The following GRIA2 variants were observed in gnomAD, a reference collection of about 807,000 sequenced individuals.
GRIA2 encodes glutamate receptor 2.
A neutral mutation model predicts 97.3 loss-of-function variants in GRIA2; 14 were observed. The observed-to-expected ratio is 0.14, with a 90% CI of 0.10 to 0.23. GRIA2 has a LOEUF of 0.23. GRIA2 is among the 10% of genes least tolerant of loss of function. GRIA2 has a pLI of 1.00. For synonymous variants in GRIA2, 412 were observed against 387.8 expected (o/e 1.06, Z -0.73); for missense variants, 558 against 1,069.8 (o/e 0.52, Z 6.67).
intron 12 of GRIA2, among the ~76,000 whole-genome samples, chr4:157,355,991 A>ATT (rs1560781410): frequency 1.2e-5 from 1 of 82,978 alleles, no homozygotes; most frequent in Non-Finnish European, 2.3e-5. Context: ...TTATATATTT[A>ATT]TATATATTTA....
At chr4:157,340,803 TA>T (rs1735514678) in intron 11 of GRIA2, among the ~76,000 whole-genome samples, 1 of 152,022 alleles carries the variant, frequency 6.6e-6, no homozygotes, top group Non-Finnish European at 1.5e-5. Context: ...CTGATTGAAT[TA>T]AAGGGAGGAT....
chr4:157,244,084 C>T lies in GRIA2; in HGVS notation c.229+22277C>T, dbSNP rs555219817. The stretch of plus-strand genomic sequence containing the variant: ...AAGGAGGTAAGACCTGAGCTGAGAC[C>T]AGGAAGATGAGAACCAGCTGGACAT... On this transcript the variant is annotated intron_variant, in intron 2 of 15. Coordinates refer to ENST00000264426, the MANE Select transcript of GRIA2 (RefSeq NM_001083619.3). Among the ~76,000 whole-genome samples, 9 of 151,906 alleles carry T rather than the reference C, an allele frequency of 5.9e-5. No individual in the cohort carries two copies. In the South Asian group the frequency reaches 1.9e-3, roughly 32 times the overall value.
chr4:157,251,858 T>C (rs1343006969), intron 2 of GRIA2, among the ~76,000 whole-genome samples: 1 of 152,164 alleles, frequency 6.6e-6, no homozygotes, highest in Non-Finnish European at 1.5e-5. Flanking sequence ...CCTTATAGAC[T>C]AGTCTGGTAA....
chr4:157,224,936 C>A (rs959323669), intron 2 of GRIA2, among the ~76,000 whole-genome samples: 2 of 152,056 alleles, frequency 1.3e-5, no homozygotes, highest in African/African-American at 4.8e-5. Flanking sequence ...CTTGAAATAG[C>A]TTGCTCTTCC....
chr4:157,221,923 TGTGA>T (rs1729515432), intron 2 of GRIA2, 116 bp downstream of exon 2: 5 of 912,456 alleles, frequency 5.5e-6, no homozygotes, highest in South Asian at 3.0e-5. Context: ...AGTGTGTGGG[TGTGA>T]GTGACTGCAC....
Position 157,303,675 on chromosome 4 carries a change from C to T in GRIA2, c.353C>T (p.Thr118Ile). The change falls in exon 3 of 16, where the codon ACA (threonine) becomes ATA (isoleucine). Residue 118 changes from threonine (T) to isoleucine (I), a missense_variant. This residue lies in a region of GRIA2 where 96 missense variants were observed against 176.6 expected (regional missense o/e 0.54). Coordinates refer to ENST00000264426, the MANE Select transcript of GRIA2 (RefSeq NM_001083619.3). Reference sequence around the variant, plus strand: ...TCCTTCATCACTCCCAGCTTCCCAACAGATGGCACACATCCATTTGTCATT... The same window carrying T: ...TCCTTCATCACTCCCAGCTTCCCAATAGATGGCACACATCCATTTGTCATT... The part of the protein sequence containing the change: ...HVSFITPSFP[T>I]DGTHPFVIQM... The T allele has an allele frequency of 6.2e-7, 1 of 1,614,120 alleles. No homozygotes were observed. The highest frequency in any genetic ancestry group is 1.1e-5 in the South Asian group (1 of 91,084).
intron 2 of GRIA2, among the ~76,000 whole-genome samples, chr4:157,299,166 AT>A (rs946998584): frequency 2.0e-5 from 3 of 152,158 alleles, no homozygotes; most frequent in Admixed American, 2.0e-4. Flanking sequence ...GGTCTAATAA[AT>A]TCAGAGAAGC....
At chr4:157,320,007 A>T (rs766693217) in intron 5 of GRIA2, among the ~76,000 whole-genome samples, 40 of 152,144 alleles carry the variant, frequency 2.6e-4, no homozygotes, top group Non-Finnish European at 5.1e-4. Context: ...CCTAGAAATT[A>T]AAAATTCAAG....
At chr4:157,304,014 A>G (rs946176094) in intron 3 of GRIA2, among the ~76,000 whole-genome samples, 7 of 152,232 alleles carry the variant, frequency 4.6e-5, no homozygotes, top group Middle Eastern at 3.2e-3. Flanking sequence ...TTAGAGAGAT[A>G]GACTGTATCA....
intron 3 of GRIA2, among the ~76,000 whole-genome samples, chr4:157,312,395 C>A (rs1292298016): frequency 6.6e-6 from 1 of 151,970 alleles, no homozygotes; most frequent in African/African-American, 2.4e-5. Context: ...TAGTAATACT[C>A]TAAAGAAGAC....
intron 3 of GRIA2, among the ~76,000 whole-genome samples, chr4:157,312,414 G>A (rs931067597): frequency 1.3e-5 from 2 of 152,144 alleles, no homozygotes; most frequent in South Asian, 4.2e-4. Flanking sequence ...ACAGCTGAGG[G>A]TGTTGAAAGA....
At chr4:157,349,470 C>T (rs1735910256) in intron 12 of GRIA2, among the ~76,000 whole-genome samples, 1 of 139,592 alleles carries the variant, frequency 7.2e-6, no homozygotes, top group Non-Finnish European at 1.5e-5. Flanking sequence ...CCTCCCCCCA[C>T]CCTTCCTTCC....
intron 12 of GRIA2, among the ~76,000 whole-genome samples, chr4:157,349,286 A>G (rs1282695575): frequency 6.6e-6 from 1 of 151,776 alleles, no homozygotes; most frequent in Non-Finnish European, 1.5e-5. Flanking sequence ...TTTCCTGGGT[A>G]CTCTTTGAAT....
chr4:157,303,808 C>A lies in GRIA2; in HGVS notation c.469+17C>A. ...GTGACAGAGGTAAGTGACAGTATCTCATCTCTTTGTAATGGGGCGAATTCA... is the reference window on the plus strand; with the variant it reads ...GTGACAGAGGTAAGTGACAGTATCTAATCTCTTTGTAATGGGGCGAATTCA... On this transcript the variant is annotated intron_variant, in intron 3 of 15. Coordinates refer to ENST00000264426, the MANE Select transcript of GRIA2 (RefSeq NM_001083619.3). The A allele has an allele frequency of 6.2e-7, 1 of 1,611,616 alleles. No individual in the cohort carries two copies. The highest frequency in any genetic ancestry group is 8.5e-7 in the Non-Finnish European group (1 of 1,177,858).
intron 11 of GRIA2, among the ~76,000 whole-genome samples, chr4:157,339,796 C>T (rs1410889737): frequency 6.6e-6 from 1 of 151,852 alleles, no homozygotes; most frequent in Non-Finnish European, 1.5e-5. Flanking sequence ...CTATACTTCC[C>T]ATTGATATTG....
At chr4:157,288,384 TCTTTAA>T (rs1427617043) in intron 2 of GRIA2, among the ~76,000 whole-genome samples, 2 of 151,684 alleles carry the variant, frequency 1.3e-5, no homozygotes, top group African/African-American at 4.8e-5. Context: ...TCTAATTCTG[TCTTTAA>T]CTTTATTTTT....
intron 12 of GRIA2, among the ~76,000 whole-genome samples, chr4:157,346,559 G>A (rs984531325): frequency 7.2e-5 from 11 of 151,924 alleles, no homozygotes; most frequent in African/African-American, 2.4e-4. Flanking sequence ...AGCCATTTGT[G>A]TCTCTATATA....
At position 157,220,999 on chromosome 4, in the gene GRIA2, G is replaced by GAA; in HGVS notation, c.-36_-35dup. 5 of 943,174 alleles carry GAA rather than the reference G, an allele frequency of 5.3e-6. No homozygotes were observed. Among genetic ancestry groups the GAA allele is most frequent in the African/African-American group, 1.6e-5 (1 of 60,898 alleles). 58.4% of individuals were successfully genotyped at this position (943,174 alleles called of 1,614,324 possible). A position where few individuals can be genotyped will look rare whatever the true frequency, so the allele number is the denominator to read the frequency against. ...GCCAAAGAAGGAAGAGGAGGAAAAGGAAAAAAAAAGGGGTATATTGTGGAT... is the reference window on the plus strand; with the variant it reads ...GCCAAAGAAGGAAGAGGAGGAAAAGGAAAAAAAAAAAGGGGTATATTGTGGAT... On this transcript the variant is annotated 5_prime_UTR_variant, in exon 1 of 16. Coordinates refer to ENST00000264426, the MANE Select transcript of GRIA2 (RefSeq NM_001083619.3).
Position 157,361,066 on chromosome 4 carries a change from T to A in GRIA2, c.2348T>A (p.Leu783Ter). 1.2e-5 allele frequency: 19 copies of A among 1,613,756 alleles called. No individual in the cohort carries two copies. The highest frequency in any genetic ancestry group is 1.6e-5 in the Non-Finnish European group (19 of 1,179,712). Residue 783 changes from leucine (L) to a stop codon, truncating the protein, a stop_gained, in exon 14 of 16, where the codon TTG (leucine) becomes TAG (stop). Transcript: ENST00000264426. LOFTEE classifies it high-confidence loss of function. The surrounding 1 kb of genome is among the most constrained non-coding windows in gnomAD (Gnocchi z 5.2). Reference protein sequence around the residue: ...KLNEQGLLDKLKNKWWYDKGE... With the variant: ...KLNEQGLLDK The stretch of plus-strand genomic sequence containing the variant: ...AATGAACAAGGCCTGTTGGACAAAT[T>A]GAAAAACAAATGGTGGTACGACAAA...
Sources: allele counts gnomAD v4.1 joint callset (sites outside exome capture counted in the v4.1 genomes callset), GRCh38; gene constraint gnomAD v4.1.1; regional missense constraint gnomAD v4.1.1; non-coding constraint Gnocchi (gnomAD v3.1); transcripts MANE v1.5; gene names NCBI Gene and HGNC (gene_info 2026-07-23, HGNC 2026-07-21).